Variants in BAIAP2 observed in about 807,000 individuals in gnomAD.
BAIAP2 encodes the protein BAR/IMD domain-containing adapter protein 2.
In BAIAP2, 18 loss-of-function variants were observed where a neutral mutation model predicts 63.0. That is an observed-to-expected ratio of 0.29 (90% confidence interval 0.20 to 0.42). The LOEUF (loss-of-function observed/expected upper bound fraction) is 0.42. Among genes scored for constraint, BAIAP2 ranks in the 10% least tolerant of loss-of-function variants. The probability of loss-of-function intolerance (pLI) is 1.00; values close to 1 mark genes in which losing one functional copy is unlikely to be tolerated. For missense variants in BAIAP2, 610 were observed against 734.3 expected, an observed-to-expected ratio of 0.83 and a Z score of 1.96; for synonymous variants, 386 against 307.6, an observed-to-expected ratio of 1.25 and a Z score of -2.67.
chr17:81,053,170 G>A (rs1047133856), intron 1 of BAIAP2, among the ~76,000 whole-genome samples: 3 of 152,156 alleles, frequency 2.0e-5, no homozygotes, highest in African/African-American at 7.2e-5. Context: ...TTCATAGCAC[G>A]GCATCTGCAG....
At chr17:81,066,745 C>T (rs535536575) in intron 3 of BAIAP2, among the ~76,000 whole-genome samples, 1 of 152,228 alleles carries the variant, frequency 6.6e-6, no homozygotes, top group Non-Finnish European at 1.5e-5. Context: ...CTGGTAGGGC[C>T]TCCTGCTCTC....
Position 81,104,515 on chromosome 17 carries a change from C to G in BAIAP2, c.1068C>G (p.Thr356=). ...CTTACCTGTCCCTTGTCCCAGCAGCCGAGAACAAGACTCTGCCTCGCTCGA... is the reference window on the plus strand; with the variant it reads ...CTTACCTGTCCCTTGTCCCAGCAGCGGAGAACAAGACTCTGCCTCGCTCGA... The part of the protein sequence containing the change: ...SVTPKNSYAT[T]ENKTLPRSSS... Residue 356 remains threonine, a splice_region_variant and synonymous_variant, in exon 10 of 14, where the codon ACC becomes ACG. Coordinates refer to ENST00000428708, the MANE Select transcript of BAIAP2 (RefSeq NM_001144888.2). 1 of 1,592,800 alleles carries G rather than the reference C, an allele frequency of 6.3e-7. No individual in the cohort carries two copies. The highest frequency in any genetic ancestry group is 1.1e-5 in the South Asian group (1 of 90,356).
chr17:81,115,280 AGCCTAACCT>A (rs1450534496), intron 13 of BAIAP2, among the ~76,000 whole-genome samples: 1 of 152,186 alleles, frequency 6.6e-6, no homozygotes, highest in Non-Finnish European at 1.5e-5. Context: ...GGGAGCCGTG[AGCCTAACCT>A]GCCTTCTCTG....
chr17:81,079,095 C>T (rs981291944), intron 3 of BAIAP2, among the ~76,000 whole-genome samples: 5 of 152,282 alleles, frequency 3.3e-5, no homozygotes, highest in Non-Finnish European at 7.4e-5. Flanking sequence ...CCAGGTGCTG[C>T]GCCCAAGCAG....
rs573249128 is a variant in BAIAP2 at position 81,047,771 on chromosome 17, A to G, written c.55-5897A>G. ...TAAACATGCAGCTCATGCCCACAGC[A>G]CACACACAGGCCCAGCTCATGCCCA... On this transcript the variant is annotated intron_variant, in intron 1 of 13. Coordinates refer to ENST00000428708, the MANE Select transcript of BAIAP2 (RefSeq NM_001144888.2). 4.7e-4 allele frequency among the ~76,000 whole-genome samples: 70 copies of G among 150,140 alleles called. 1 individual carries two copies. The highest frequency in any genetic ancestry group is 7.0e-4 in the Non-Finnish European group (47 of 67,542).
At position 81,116,207 on chromosome 17, in the gene BAIAP2, T is replaced by A. The variant is rs546574177; in HGVS notation, c.*368T>A. 1 of 1,609,030 alleles carries A rather than the reference T, an allele frequency of 6.2e-7. No individual in the cohort carries two copies. The highest frequency in any genetic ancestry group is 1.7e-5 in the Admixed American group (1 of 59,980). ...CTGCCCTGCTGCTTCTCCTGCCTAA[T>A]AAACAGGCTTCTCCTGCACCAGGTG... On this transcript the variant is annotated 3_prime_UTR_variant, in exon 14 of 14. Coordinates refer to ENST00000428708, the MANE Select transcript of BAIAP2 (RefSeq NM_001144888.2).
intron 13 of BAIAP2, among the ~76,000 whole-genome samples, chr17:81,114,949 GTCT>G (rs2060348795): frequency 6.6e-6 from 1 of 152,206 alleles, no homozygotes; most frequent in Non-Finnish European, 1.5e-5. Context: ...TCCCTGCTGC[GTCT>G]TCATGTCCAC....
chr17:81,103,351 C>A, intron 7 of BAIAP2, 151 bp from the exon 8 acceptor site: 1 of 723,272 alleles, frequency 1.4e-6, no homozygotes, highest in Non-Finnish European at 2.3e-6. Flanking sequence ...GGGTCAGAGG[C>A]TCACGGGTGG....
At chr17:81,052,662 G>T (rs2048854289) in intron 1 of BAIAP2, among the ~76,000 whole-genome samples, 1 of 152,208 alleles carries the variant, frequency 6.6e-6, no homozygotes, top group Non-Finnish European at 1.5e-5. Flanking sequence ...TGGCTTCCTT[G>T]TCCCTAAATG....
At chr17:81,080,097 G>A (rs1168707547) in intron 3 of BAIAP2, among the ~76,000 whole-genome samples, 1 of 152,214 alleles carries the variant, frequency 6.6e-6, no homozygotes, top group Admixed American at 6.5e-5. Flanking sequence ...GGAACTCACT[G>A]CCCCTACCGG....
At chr17:81,044,504 C>T (rs2047525977) in intron 1 of BAIAP2, among the ~76,000 whole-genome samples, 1 of 152,238 alleles carries the variant, frequency 6.6e-6, no homozygotes, top group Non-Finnish European at 1.5e-5. Flanking sequence ...ACCCCAGTTA[C>T]TTTTATCGCC....
rs2055480841 is a variant in BAIAP2 at position 81,085,663 on chromosome 17, T to C, written c.289T>C (p.Phe97Leu). 1 of 1,613,822 alleles carries C rather than the reference T, an allele frequency of 6.2e-7. No homozygotes were observed. The highest frequency in any genetic ancestry group is 8.5e-7 in the Non-Finnish European group (1 of 1,179,958). ...TTCTCTCCATGTCCAGCTGAAGTCT[T>C]TTCACAACGAGCTGCTTACGCAGCT... Reference protein sequence around the residue: ...QNQLEEMLKSFHNELLTQLEQ... With the variant: ...QNQLEEMLKSLHNELLTQLEQ... The change falls in exon 5 of 14, where the codon TTT becomes CTT. Residue 97 changes from phenylalanine to leucine, a missense_variant. Transcript: ENST00000428708.
At chr17:81,058,813 G>A (rs1359654634) in intron 3 of BAIAP2, among the ~76,000 whole-genome samples, 2 of 152,064 alleles carry the variant, frequency 1.3e-5, no homozygotes, top group African/African-American at 4.8e-5. Context: ...CCTCGGATGG[G>A]GAAGAGTCAC....
At chr17:81,068,591 C>T (rs1027670372) in intron 3 of BAIAP2, among the ~76,000 whole-genome samples, 9 of 152,220 alleles carry the variant, frequency 5.9e-5, no homozygotes, top group African/African-American at 2.2e-4. Context: ...AGTCAGCAGC[C>T]GCACAGACGG....
intron 1 of BAIAP2, among the ~76,000 whole-genome samples, chr17:81,042,151 T>C (rs1598485234): frequency 6.7e-6 from 1 of 149,256 alleles, no homozygotes; most frequent in African/African-American, 2.5e-5. Context: ...TCTTTTTTTT[T>C]TTTTTTTGGA....
chr17:81,114,136 ATTTTTT>A (rs58461450), intron 13 of BAIAP2, among the ~76,000 whole-genome samples: 1,949 of 124,636 alleles, frequency 0.016, 49 homozygotes, highest in African/African-American at 0.057. Context: ...CACCTGCCTA[ATTTTTT>A]TTTTTTTTTT....
intron 6 of BAIAP2, among the ~76,000 whole-genome samples, chr17:81,088,548 A>T (rs1244942173): frequency 6.6e-6 from 1 of 152,168 alleles, no homozygotes; most frequent in Non-Finnish European, 1.5e-5. Context: ...CCAGCCTGCC[A>T]TTGGCCTCCG....
chr17:81,089,922 G>A (rs900398473), intron 6 of BAIAP2, among the ~76,000 whole-genome samples: 6 of 152,170 alleles, frequency 3.9e-5, no homozygotes, highest in East Asian at 3.9e-4. Flanking sequence ...GTACAGAGAC[G>A]CTTGGCGAGC....
At chr17:81,105,074 G>T in intron 10 of BAIAP2, 1 of 203,746 alleles carries the variant, frequency 4.9e-6, no homozygotes, top group Non-Finnish European at 1.0e-5. Context: ...CCCCCCAATG[G>T]CTCGGGTCTC....
Sources: allele counts gnomAD v4.1 joint callset (sites outside exome capture counted in the v4.1 genomes callset), GRCh38; gene constraint gnomAD v4.1.1; transcripts MANE v1.5; gene names NCBI Gene and HGNC (gene_info 2026-07-23, HGNC 2026-07-21).